Variants in PCBP3 observed in about 807,000 individuals in gnomAD.
PCBP3 encodes the protein poly(rC) binding protein 3, also known as poly(rC)-binding protein 3.
PCBP3 carries 25 observed loss-of-function variants against 52.7 expected under a neutral mutation model. That is an observed-to-expected ratio of 0.47 (90% confidence interval 0.35 to 0.66). The LOEUF is 0.66. PCBP3 is among the 30% of genes least tolerant of loss of function. PCBP3 has a pLI of 0.01. For synonymous variants in PCBP3, 162 were observed against 183.0 expected (o/e 0.89, Z 0.93); for missense variants, 391 against 490.3 (o/e 0.80, Z 1.91).
rs1008364769 is a variant in PCBP3, at chr21:45,724,934, A to G, written c.-199-10458A>G. Among the ~76,000 whole-genome samples the G allele has an allele frequency of 1.3e-5, 2 of 152,202 alleles. No individual in the cohort carries two copies. The highest frequency in any genetic ancestry group is 2.9e-5 in the Non-Finnish European group (2 of 68,036). On this transcript the variant is annotated intron_variant, in intron 2 of 17. Transcript: ENST00000681687. This position sits in a 1 kb window ranked among gnomAD's most constrained non-coding sequence, Gnocchi z 5.3. ...ATGAACTTCCTCTATAACTTAAATG[A>G]TGAAAGTTACAGATAATAGCTCAAA...
chr21:45,916,493 T>C (rs574518325), intron 12 of PCBP3: 43 of 152,418 alleles, frequency 2.8e-4, no homozygotes, highest in African/African-American at 9.4e-4. Flanking sequence ...TTGACTGGCC[T>C]TTAACTCCGA....
chr21:45,671,933 C>T lies in PCBP3; in HGVS notation c.-200+2981C>T, dbSNP rs539835886. Among the ~76,000 whole-genome samples the T allele has an allele frequency of 4.7e-4, 72 of 152,244 alleles. 1 individual carries two copies. The South Asian group carries it at 7.1e-3, about 15-fold the overall frequency. Reference sequence around the variant, plus strand: ...CAGGAGAAACTGGTCTGTTGTCCTCCAGGCCTCCTTTCTCTGTCCCTCCAT... The same window carrying T: ...CAGGAGAAACTGGTCTGTTGTCCTCTAGGCCTCCTTTCTCTGTCCCTCCAT... On this transcript the variant is annotated intron_variant, in intron 2 of 17. Coordinates refer to ENST00000681687, the MANE Select transcript of PCBP3 (RefSeq NM_001384156.1).
At chr21:45,918,251 C>T (rs940730173) in intron 13 of PCBP3, 1 of 155,896 alleles carries the variant, frequency 6.4e-6, no homozygotes, top group Non-Finnish European at 1.4e-5. Flanking sequence ...TGACCGGGGG[C>T]TCCGACACCT....
chr21:45,772,942 T>C (rs1016153293), intron 4 of PCBP3, among the ~76,000 whole-genome samples: 2 of 152,046 alleles, frequency 1.3e-5, no homozygotes, highest in African/African-American at 2.4e-5. Flanking sequence ...TTTTTTTCCC[T>C]TTTGATTGAG....
At chr21:45,865,498 C>T (rs1055974358) in intron 5 of PCBP3, among the ~76,000 whole-genome samples, 11 of 152,160 alleles carry the variant, frequency 7.2e-5, no homozygotes, top group Non-Finnish European at 1.5e-4. Context: ...AGGTGATGTC[C>T]CCTTTGTACT....
intron 5 of PCBP3, among the ~76,000 whole-genome samples, chr21:45,882,820 A>T (rs1053088950): frequency 6.6e-6 from 1 of 152,080 alleles, no homozygotes; most frequent in Non-Finnish European, 1.5e-5. Context: ...TTTATTGTAG[A>T]TGGATTGGCT....
intron 4 of PCBP3, among the ~76,000 whole-genome samples, chr21:45,783,933 A>G (rs2090843685): frequency 6.6e-6 from 1 of 152,234 alleles, no homozygotes; most frequent in South Asian, 2.1e-4. Context: ...TTCAGTGAGC[A>G]TAGAAAAGAA....
chr21:45,920,973 C>T (rs2074353744), intron 13 of PCBP3, among the ~76,000 whole-genome samples: 2 of 152,210 alleles, frequency 1.3e-5, no homozygotes, highest in South Asian at 4.1e-4. Flanking sequence ...GGAAGACATT[C>T]TGTTTCTACA....
chr21:45,876,802 C>G (rs1024982774), intron 5 of PCBP3, among the ~76,000 whole-genome samples: 2 of 152,262 alleles, frequency 1.3e-5, no homozygotes, highest in Admixed American at 1.3e-4. Flanking sequence ...AGTCACATCC[C>G]CCAGACAGCT....
At chr21:45,755,721 C>T (rs1177953125) in intron 4 of PCBP3, among the ~76,000 whole-genome samples, 1 of 152,152 alleles carries the variant, frequency 6.6e-6, no homozygotes, top group Non-Finnish European at 1.5e-5. Context: ...TGTATGTCTT[C>T]TTTGGCAAAG....
At chr21:45,849,856 G>A (rs1442118654) in intron 4 of PCBP3, 105 bp from the exon 5 acceptor site, 2 of 567,894 alleles carry the variant, frequency 3.5e-6, no homozygotes, top group African/African-American at 3.9e-5. Flanking sequence ...CTGAAGAGGT[G>A]TTGACTGCTG....
chr21:45,767,038 C>T (rs902776922), intron 4 of PCBP3, among the ~76,000 whole-genome samples: 1 of 152,098 alleles, frequency 6.6e-6, no homozygotes, highest in African/African-American at 2.4e-5. Context: ...GGGTCACTCC[C>T]CTCCCCCCTT....
chr21:45,930,886 G>T, intron 15 of PCBP3, 41 bp downstream of exon 15: 2 of 1,610,240 alleles, frequency 1.2e-6, no homozygotes, highest in Non-Finnish European at 1.7e-6. Flanking sequence ...GGCCAGGGCA[G>T]CAGAGCAGAG....
chr21:45,677,495 C>A (rs1318320000), intron 2 of PCBP3, among the ~76,000 whole-genome samples: 1 of 152,250 alleles, frequency 6.6e-6, no homozygotes. Context: ...GATGTAGATG[C>A]TGTACCTTGT....
chr21:45,924,124 ACAG>A (rs2074955150), intron 13 of PCBP3, among the ~76,000 whole-genome samples: 1 of 102,490 alleles, frequency 9.8e-6, no homozygotes, highest in Non-Finnish European at 2.0e-5. Context: ...GTGGGTAGAA[ACAG>A]CACACGTAAG....
At chr21:45,929,808 G>A in intron 13 of PCBP3, 109 bp from the exon 14 acceptor site, 1 of 798,862 alleles carries the variant, frequency 1.3e-6, no homozygotes, top group Non-Finnish European at 2.2e-6. Context: ...TGTCCGCATG[G>A]CCCTCTTTCT....
intron 6 of PCBP3, among the ~76,000 whole-genome samples, chr21:45,898,739 G>A (rs138118911): frequency 0.079 from 1,975 of 25,054 alleles, 742 homozygotes; most frequent in East Asian, 0.7. Context: ...GGGCCCCTCT[G>A]CACGCCGTCC....
intron 1 of PCBP3, among the ~76,000 whole-genome samples, chr21:45,652,172 G>C (rs777105926): frequency 2.0e-5 from 3 of 152,172 alleles, no homozygotes; most frequent in Non-Finnish European, 4.4e-5. Flanking sequence ...CAGAATGGCT[G>C]TTCTGAGCCA....
chr21:45,657,897 T>C lies in PCBP3; in HGVS notation c.-278-10977T>C, dbSNP rs141990849. ...TCTTTGCTTCTAATCTGCATGCCTT[T>C]TTAAAATTTTTCTCATGTAATTGCC... On this transcript the variant is annotated intron_variant, in intron 1 of 17. Coordinates refer to ENST00000681687, the MANE Select transcript of PCBP3 (RefSeq NM_001384156.1). 6.8e-3 allele frequency among the ~76,000 whole-genome samples: 1,032 copies of C among 152,358 alleles called. 14 individuals carry two copies. Among genetic ancestry groups the C allele is most frequent in the African/African-American group, 0.024 (995 of 41,584 alleles).
Sources: allele counts gnomAD v4.1 joint callset (sites outside exome capture counted in the v4.1 genomes callset), GRCh38; gene constraint gnomAD v4.1.1; non-coding constraint Gnocchi (gnomAD v3.1); transcripts MANE v1.5; gene names NCBI Gene and HGNC (gene_info 2026-07-23, HGNC 2026-07-21).